DAB1: variants seen among roughly 807,000 people sequenced by gnomAD.
DAB1 encodes DAB adaptor protein 1.
A neutral mutation model predicts 64.6 loss-of-function variants in DAB1; 15 were observed. The observed-to-expected ratio is 0.23, with a 90% CI of 0.16 to 0.36. DAB1 has a LOEUF of 0.36. Ranked by LOEUF, DAB1 falls within the 10% of genes least tolerant of loss-of-function variation. The pLI is 1.00. For synonymous variants in DAB1, 235 were observed against 251.9 expected (o/e 0.93, Z 0.64); for missense variants, 596 against 706.7 (o/e 0.84, Z 1.78).
At chr1:58,479,362 G>A (rs2100344325) in intron 3 of DAB1, among the ~76,000 whole-genome samples, 1 of 152,288 alleles carries the variant, frequency 6.6e-6, no homozygotes, top group South Asian at 2.1e-4. Context: ...CTCGTGTGCA[G>A]ATCAGGAAAT....
At chr1:57,849,770 C>T (rs936394321) in intron 1 of DAB1, among the ~76,000 whole-genome samples, 1 of 152,210 alleles carries the variant, frequency 6.6e-6, no homozygotes, top group African/African-American at 2.4e-5. Flanking sequence ...GAATTAACAT[C>T]TGAACACATT....
chr1:58,297,693 T>C (rs1281995668), intron 4 of DAB1, among the ~76,000 whole-genome samples: 1 of 152,162 alleles, frequency 6.6e-6, no homozygotes, highest in African/African-American at 2.4e-5. Flanking sequence ...TATAGAAGCA[T>C]GGTGAAGAAG....
Position 57,170,000 on chromosome 1 carries a change from C to CT in DAB1, c.68-24572dup, listed in dbSNP as rs57228221. The stretch of plus-strand genomic sequence containing the variant: ...CCTTTTTCTTTTTCTTTCTTTCTTT[C>CT]TTTTTTTTTTTTTTAAGACAGAGTC... On this transcript the variant is annotated intron_variant, in intron 2 of 14. Coordinates refer to ENST00000371236, the MANE Select transcript of DAB1 (RefSeq NM_001365792.1). Among the ~76,000 whole-genome samples, 231 of 142,750 alleles carry CT rather than the reference C, an allele frequency of 1.6e-3. 1 individual carries two copies. Among genetic ancestry groups the CT allele is most frequent in the Middle Eastern group, 0.011 (3 of 270 alleles). 93.6% of individuals were successfully genotyped at this position (142,750 alleles called of 152,430 possible).
chr1:57,887,285 T>C (rs2101977368), upstream of DAB1, among the ~76,000 whole-genome samples: 1 of 152,312 alleles, frequency 6.6e-6, no homozygotes, highest in African/African-American at 2.4e-5. Context: ...CTGCTCAGAA[T>C]TGTGGGCTCC....
rs116556784 is a variant in DAB1 at position 58,403,746 on chromosome 1, G to A, written n.258-60343C>T. The stretch of plus-strand genomic sequence containing the variant: ...CAAACTTGGCTCTTGACAGCTTCCC[G>A]AGTGCTCAGGGTCCCATGCCGCTAC... On this transcript the variant is annotated intron_variant and non_coding_transcript_variant, in intron 3 of 20. Coordinates refer to the DAB1 transcript ENST00000485760. 5.1e-3 allele frequency among the ~76,000 whole-genome samples: 783 copies of A among 152,278 alleles called. 8 individuals carry two copies. The highest frequency in any genetic ancestry group is 0.018 in the African/African-American group (748 of 41,562).
intron 5 of DAB1, among the ~76,000 whole-genome samples, chr1:58,100,128 TA>T (rs1389210695): frequency 6.6e-6 from 1 of 152,200 alleles, no homozygotes; most frequent in African/African-American, 2.4e-5. Context: ...ATTTTAAATA[TA>T]AAATTCAGTG....
intron 6 of DAB1, among the ~76,000 whole-genome samples, chr1:57,659,627 A>G (rs1646361402): frequency 6.6e-6 from 1 of 152,068 alleles, no homozygotes; most frequent in Non-Finnish European, 1.5e-5. Flanking sequence ...AGGAGTTTTG[A>G]CTATTACTAA....
intron 14 of DAB1, among the ~76,000 whole-genome samples, chr1:57,007,024 T>C (rs1370168043): frequency 6.6e-6 from 1 of 152,084 alleles, no homozygotes; most frequent in Middle Eastern, 3.2e-3. Context: ...CTACCTCCTT[T>C]TTTTTCTCTC....
chr1:57,678,288 G>GAGCATGCAT (rs1243383413), intron 6 of DAB1, among the ~76,000 whole-genome samples: 17 of 152,196 alleles, frequency 1.1e-4, no homozygotes, highest in African/African-American at 4.1e-4. Context: ...TCCACTCAGA[G>GAGCATGCAT]AGCATGCATT....
At chr1:57,630,882 A>G (rs948241998) in intron 7 of DAB1, among the ~76,000 whole-genome samples, 1 of 152,242 alleles carries the variant, frequency 6.6e-6, no homozygotes, top group Non-Finnish European at 1.5e-5. Context: ...AAACTGATAC[A>G]AAGTCTACAA....
intron 7 of DAB1, among the ~76,000 whole-genome samples, chr1:57,455,624 C>T (rs978120086): frequency 1.1e-4 from 17 of 152,178 alleles, no homozygotes; most frequent in East Asian, 3.9e-4. Context: ...GAAATGAAGA[C>T]GTAAATTACT....
chr1:57,060,118 C>T (rs961736931), intron 9 of DAB1, among the ~76,000 whole-genome samples: 3 of 78,894 alleles, frequency 3.8e-5, no homozygotes, highest in Non-Finnish European at 1.1e-4. Flanking sequence ...TAGAGTCATT[C>T]ATATATTTTT....
At chr1:57,184,483 C>A (rs1206827180) in intron 2 of DAB1, among the ~76,000 whole-genome samples, 1 of 152,264 alleles carries the variant, frequency 6.6e-6, no homozygotes, top group East Asian at 1.9e-4. Flanking sequence ...CTATCTGTGG[C>A]TTCCCATAGG....
At chr1:58,508,848 G>A (rs978997011) in intron 2 of DAB1, among the ~76,000 whole-genome samples, 3 of 152,142 alleles carry the variant, frequency 2.0e-5, no homozygotes, top group African/African-American at 7.2e-5. Flanking sequence ...GGCAGGGCTC[G>A]GGAAAGAGGT....
intron 3 of DAB1, among the ~76,000 whole-genome samples, chr1:58,405,597 C>T (rs1261729713): frequency 6.6e-6 from 1 of 152,036 alleles, no homozygotes; most frequent in African/African-American, 2.4e-5. Flanking sequence ...TGGGCTCAAG[C>T]GATCCACCTG....
intron 6 of DAB1, among the ~76,000 whole-genome samples, chr1:57,694,903 T>C (rs960152912): frequency 1.3e-5 from 2 of 152,102 alleles, no homozygotes; most frequent in African/African-American, 4.8e-5. Context: ...GTCTAAAATA[T>C]AAAGATATTT....
intron 3 of DAB1, among the ~76,000 whole-genome samples, chr1:57,144,916 T>C (rs575609719): frequency 6.6e-6 from 1 of 152,212 alleles, no homozygotes; most frequent in South Asian, 2.1e-4. Flanking sequence ...TCTTACCATA[T>C]GGCAAAAATA....
At chr1:57,198,007 C>T (rs1664773391) in intron 2 of DAB1, among the ~76,000 whole-genome samples, 2 of 152,126 alleles carry the variant, frequency 1.3e-5, no homozygotes, top group African/African-American at 4.8e-5. Flanking sequence ...ATAAGAAACC[C>T]TCTTTGCACA....
chr1:58,061,497 A>G (rs1451230222), intron 5 of DAB1, among the ~76,000 whole-genome samples: 2 of 152,156 alleles, frequency 1.3e-5, no homozygotes, highest in Non-Finnish European at 2.9e-5. Flanking sequence ...TCGTCTTCAC[A>G]TGGCCCTGTG....
Sources: gnomAD v4.1 joint callset for allele counts (sites outside exome capture counted in the v4.1 genomes callset) on GRCh38, gnomAD v4.1.1 for gene constraint, MANE v1.5 for transcripts, NCBI Gene and HGNC (gene_info 2026-07-23, HGNC 2026-07-21) for gene names.